Variants in TBC1D22A observed in about 807,000 individuals in gnomAD.
TBC1D22A encodes the protein TBC1 domain family member 22A, also known as putative GTPase activator.
Under a neutral mutation model 60.2 loss-of-function variants are expected in TBC1D22A, and 38 were observed. That is an observed-to-expected ratio of 0.63 (90% CI 0.49 to 0.83). The LOEUF (loss-of-function observed/expected upper bound fraction) is 0.83, where lower values mean the gene tolerates loss of function less well. TBC1D22A is among the 40% of genes least tolerant of loss of function. TBC1D22A has a pLI of 0.00. For synonymous variants in TBC1D22A, 302 were observed against 281.7 expected (o/e 1.07, Z -0.72); for missense variants, 628 against 701.0 (o/e 0.90, Z 1.18).
intron 5 of TBC1D22A, among the ~76,000 whole-genome samples, chr22:46,880,291 A>G (rs1314127295): frequency 6.6e-6 from 1 of 152,142 alleles, no homozygotes; most frequent in East Asian, 1.9e-4. Flanking sequence ...CATTCTTTTG[A>G]GTTTCTGATT....
chr22:47,025,848 G>T (rs1473359055), intron 10 of TBC1D22A, among the ~76,000 whole-genome samples: 1 of 151,914 alleles, frequency 6.6e-6, no homozygotes, highest in East Asian at 1.9e-4. Context: ...AGAGGGAATT[G>T]GATAGTACCG....
chr22:47,023,791 G>A (rs1477988718), intron 10 of TBC1D22A, among the ~76,000 whole-genome samples: 1 of 152,178 alleles, frequency 6.6e-6, no homozygotes, highest in Non-Finnish European at 1.5e-5. Context: ...ACATATAAAA[G>A]CTAAAGGAAT....
chr22:46,805,948 G>A (rs1432292576), intron 4 of TBC1D22A, among the ~76,000 whole-genome samples: 1 of 151,936 alleles, frequency 6.6e-6, no homozygotes, highest in East Asian at 1.9e-4. Flanking sequence ...CGCCTCCCAG[G>A]TTCAAGTGAT....
At chr22:47,144,557 A>G (rs964832296) in intron 12 of TBC1D22A, among the ~76,000 whole-genome samples, 3 of 152,222 alleles carry the variant, frequency 2.0e-5, no homozygotes, top group Non-Finnish European at 4.4e-5. Context: ...CACACAGTAT[A>G]CAAGCACATA....
chr22:46,868,480 C>A (rs1055042764), intron 4 of TBC1D22A, among the ~76,000 whole-genome samples: 2 of 151,992 alleles, frequency 1.3e-5, no homozygotes, highest in Middle Eastern at 3.2e-3. Flanking sequence ...TGGAAAAAAA[C>A]CCAGAATTCG....
At chr22:47,041,431 C>T (rs1024938131) in intron 11 of TBC1D22A, among the ~76,000 whole-genome samples, 2 of 152,210 alleles carry the variant, frequency 1.3e-5, no homozygotes, top group African/African-American at 4.8e-5. Flanking sequence ...GCGCGTCCTC[C>T]CACTTCACAC....
At chr22:47,151,353 C>G (rs998329629) in intron 12 of TBC1D22A, among the ~76,000 whole-genome samples, 1 of 152,230 alleles carries the variant, frequency 6.6e-6, no homozygotes, top group Non-Finnish European at 1.5e-5. Flanking sequence ...CCACTGCATG[C>G]CTTCCTCCTG....
intron 8 of TBC1D22A, among the ~76,000 whole-genome samples, chr22:46,941,813 T>TA (rs2072159821): frequency 1.5e-5 from 2 of 133,280 alleles, no homozygotes; most frequent in African/African-American, 6.3e-5. Context: ...ATATATAGAA[T>TA]ATATATAGAA....
intron 4 of TBC1D22A, among the ~76,000 whole-genome samples, chr22:46,839,136 A>G (rs1357128136): frequency 4.6e-5 from 7 of 152,236 alleles, no homozygotes. Flanking sequence ...CTAATATACA[A>G]ATTCAGTGAA....
rs528762146 is a variant in TBC1D22A at position 46,762,958 on chromosome 22, C to T, written c.62+110C>T. Reference sequence around the variant, plus strand: ...GGGGGTCTGGAGAGGGCAACTTGGACTCTGAGGAGACTGCTGGATGGTGTG... The same window carrying T: ...GGGGGTCTGGAGAGGGCAACTTGGATTCTGAGGAGACTGCTGGATGGTGTG... On this transcript the variant is annotated intron_variant, in intron 1 of 12. Coordinates refer to ENST00000337137, the MANE Select transcript of TBC1D22A (RefSeq NM_014346.5). 3.8e-5 allele frequency: 39 copies of T among 1,020,394 alleles called. No homozygotes were observed. The Middle Eastern group carries it at 1.4e-3, about 38-fold the overall frequency. 63.2% of individuals were successfully genotyped at this position (1,020,394 alleles called of 1,614,324 possible).
intron 12 of TBC1D22A, among the ~76,000 whole-genome samples, chr22:47,133,906 A>G (rs1465120704): frequency 2.6e-5 from 4 of 151,816 alleles, no homozygotes; most frequent in African/African-American, 9.7e-5. Context: ...CTCTCTCTCC[A>G]TTCCTTCCAG....
intron 4 of TBC1D22A, among the ~76,000 whole-genome samples, chr22:46,823,533 G>T (rs927888295): frequency 6.6e-6 from 1 of 152,188 alleles, no homozygotes; most frequent in African/African-American, 2.4e-5. Context: ...GCAGGTGCCC[G>T]CGTGGTGTTT....
At chr22:46,903,510 C>T (rs1483463069) in intron 7 of TBC1D22A, among the ~76,000 whole-genome samples, 1 of 152,182 alleles carries the variant, frequency 6.6e-6, no homozygotes, top group Non-Finnish European at 1.5e-5. Context: ...TGGACTTCCA[C>T]CCTAGCTCTC....
rs377571607 is a variant in TBC1D22A at position 47,090,933 on chromosome 22, G to A, written c.1330-20575G>A. Among the ~76,000 whole-genome samples, 14 of 144,630 alleles carry A rather than the reference G, an allele frequency of 9.7e-5. 2 individuals carry two copies. Among genetic ancestry groups the A allele is most frequent in the East Asian group, 4.2e-4 (2 of 4,758 alleles). 94.9% of individuals were successfully genotyped at this position (144,630 alleles called of 152,430 possible). On this transcript the variant is annotated intron_variant, in intron 11 of 12. Transcript: ENST00000337137. ...TTTGGGGGGGTGTGGCCTCACGGAG[G>A]GGGTGGCTGCGTGTTGATAGAGACA...
In TBC1D22A at chr22:46,891,414, T is replaced by A. The variant is rs8137228; in HGVS notation, c.837+20T>A. The A allele has an allele frequency of 5.2e-3, 8,262 of 1,589,602 alleles. 313 individuals are homozygous for A. The African/African-American group carries it at 0.091, about 17-fold the overall frequency. On this transcript the variant is annotated intron_variant, in intron 6 of 12. Transcript: ENST00000337137. The stretch of plus-strand genomic sequence containing the variant: ...AGGCAGGTGGGAATCCTTTCTTTTT[T>A]TCGTATGTTGCCTGATGTACTTTGC...
chr22:46,884,385 C>T (rs753679040), intron 5 of TBC1D22A, among the ~76,000 whole-genome samples: 1 of 152,188 alleles, frequency 6.6e-6, no homozygotes, highest in Non-Finnish European at 1.5e-5. Context: ...TTACCCGTTC[C>T]CTCACTGTGT....
At chr22:46,767,018 A>C (rs2083312864) in intron 1 of TBC1D22A, among the ~76,000 whole-genome samples, 1 of 152,198 alleles carries the variant, frequency 6.6e-6, no homozygotes, top group Non-Finnish European at 1.5e-5. Flanking sequence ...CCTGGTGTTT[A>C]TTCCGAACTA....
At chr22:47,025,250 CTT>C (rs1255485348) in intron 10 of TBC1D22A, among the ~76,000 whole-genome samples, 1 of 152,164 alleles carries the variant, frequency 6.6e-6, no homozygotes, top group Non-Finnish European at 1.5e-5. Flanking sequence ...TGTCAACAAA[CTT>C]GACTTAATTG....
At chr22:46,933,888 G>T (rs955568565) in intron 8 of TBC1D22A, among the ~76,000 whole-genome samples, 1 of 152,248 alleles carries the variant, frequency 6.6e-6, no homozygotes, top group Non-Finnish European at 1.5e-5. Flanking sequence ...GGGGACAGGG[G>T]TGTGGGGATG....
Sources: gnomAD v4.1 joint callset for allele counts (sites outside exome capture counted in the v4.1 genomes callset) on GRCh38, gnomAD v4.1.1 for gene constraint, MANE v1.5 for transcripts, NCBI Gene and HGNC (gene_info 2026-07-23, HGNC 2026-07-21) for gene names.